SCD5: variants seen among roughly 807,000 people sequenced by gnomAD.
The protein encoded by SCD5 is acyl-CoA-desaturase 4.
In SCD5, 20 loss-of-function variants were observed where a neutral mutation model predicts 30.4. The ratio of observed to expected loss-of-function variants is 0.66; its 90% CI spans 0.46 to 0.96. The LOEUF is 0.96. Ranked by LOEUF, SCD5 falls within the 40% of genes least tolerant of loss-of-function variation. The pLI is 0.00. For missense variants in SCD5, 381 were observed against 443.3 expected (o/e 0.86, Z 1.26); for synonymous variants, 173 against 176.4 (o/e 0.98, Z 0.16).
At chr4:82,762,259 T>TG (rs1185035779) in intron 1 of SCD5, among the ~76,000 whole-genome samples, 217 of 1,432 alleles carry the variant, frequency 0.15, 1 homozygote, top group African/African-American at 0.35. Context: ...CTCAAGGGGC[T>TG]AATTTTTTTT....
intron 1 of SCD5, among the ~76,000 whole-genome samples, chr4:82,788,587 C>T (rs1259093432): frequency 6.6e-6 from 1 of 152,110 alleles, no homozygotes; most frequent in Non-Finnish European, 1.5e-5. Context: ...GAAGGGGTTT[C>T]GTTATGTTGG....
chr4:82,788,686 T>C (rs1976924), intron 1 of SCD5, among the ~76,000 whole-genome samples: 31,850 of 152,132 alleles, frequency 0.21, 3,694 homozygotes, highest in African/African-American at 0.31. Context: ...CCATTGTACC[T>C]GGCCACAAGT....
intron 1 of SCD5, among the ~76,000 whole-genome samples, chr4:82,753,789 C>T (rs993882875): frequency 2.6e-5 from 4 of 152,114 alleles, no homozygotes; most frequent in Admixed American, 6.5e-5. Context: ...GCACATACCC[C>T]CCTGACAGAA....
chr4:82,665,849 T>A (rs563467906), intron 3 of SCD5, among the ~76,000 whole-genome samples: 90 of 152,274 alleles, frequency 5.9e-4, no homozygotes, highest in Non-Finnish European at 1.0e-3. Context: ...CATACTTTTT[T>A]AAAAAGCTAG....
Position 82,711,300 on chromosome 4 carries a change from G to T in SCD5, c.233-5887C>A, listed in dbSNP as rs532568234. Among the ~76,000 whole-genome samples the T allele has an allele frequency of 2.6e-5, 4 of 151,922 alleles. No homozygotes were observed. The East Asian group carries it at 5.8e-4, about 22-fold the overall frequency. ...TCCCCACTGTGACCCCCTACATTTG[G>T]CAATGTTTTGAGACATTATTGGGTG... is the stretch of plus-strand genomic sequence containing the variant. On this transcript the variant is annotated intron_variant, in intron 1 of 4. Coordinates refer to ENST00000319540, the MANE Select transcript of SCD5 (RefSeq NM_001037582.3).
intron 3 of SCD5, among the ~76,000 whole-genome samples, chr4:82,648,006 C>T (rs1313397304): frequency 3.9e-5 from 6 of 152,146 alleles, no homozygotes; most frequent in Admixed American, 3.3e-4. Context: ...TGGCAGGACT[C>T]GAGGCAAAAG....
chr4:82,705,217 T>A (rs1578029889), intron 2 of SCD5, 66 bp downstream of exon 2: 1 of 1,580,464 alleles, frequency 6.3e-7, no homozygotes, highest in Non-Finnish European at 8.6e-7. Flanking sequence ...CAGCCCATCT[T>A]TCCCCTCCTC....
intron 3 of SCD5, among the ~76,000 whole-genome samples, chr4:82,654,196 C>T (rs990977926): frequency 2.6e-5 from 4 of 152,264 alleles, no homozygotes; most frequent in African/African-American, 7.2e-5. Context: ...GAGCATGTTT[C>T]AACAAATCAC....
intron 1 of SCD5, among the ~76,000 whole-genome samples, chr4:82,777,419 G>T (rs550720966): frequency 5.9e-5 from 9 of 152,208 alleles, no homozygotes; most frequent in Non-Finnish European, 1.0e-4. Flanking sequence ...CAGGGCTAAG[G>T]CCTATGGTTT....
chr4:82,753,233 A>T (rs1223129727), intron 1 of SCD5: 1 of 434,348 alleles, frequency 2.3e-6, no homozygotes, highest in Non-Finnish European at 4.8e-6. Context: ...GAGCTTTTAC[A>T]GCCACCCAAG....
intron 1 of SCD5, among the ~76,000 whole-genome samples, chr4:82,737,458 G>C (rs1459737909): frequency 1.3e-5 from 2 of 152,068 alleles, no homozygotes; most frequent in Non-Finnish European, 2.9e-5. Context: ...ACTAAAGAAA[G>C]TTTTGCTCAA....
At chr4:82,727,346 C>G (rs1056348109) in intron 1 of SCD5, among the ~76,000 whole-genome samples, 2 of 152,116 alleles carry the variant, frequency 1.3e-5, no homozygotes, top group Non-Finnish European at 2.9e-5. Context: ...AGGTGTGTAC[C>G]CTGGTCTACC....
chr4:82,728,765 C>T (rs1720562850), intron 1 of SCD5, among the ~76,000 whole-genome samples: 1 of 152,126 alleles, frequency 6.6e-6, no homozygotes, highest in Non-Finnish European at 1.5e-5. Context: ...TCAGGGAGAC[C>T]AATGTGAATG....
chr4:82,765,518 C>A (rs998282151), intron 1 of SCD5, among the ~76,000 whole-genome samples: 1 of 152,180 alleles, frequency 6.6e-6, no homozygotes, highest in East Asian at 1.9e-4. Context: ...TACTTTAAAT[C>A]ATCCCTTGAT....
At chr4:82,777,679 C>T (rs1461994876) in intron 1 of SCD5, among the ~76,000 whole-genome samples, 3 of 152,194 alleles carry the variant, frequency 2.0e-5, no homozygotes, top group African/African-American at 7.2e-5. Flanking sequence ...AATTATGTAG[C>T]TGGTCCTGCT....
At chr4:82,782,074 C>T (rs904429866) in intron 1 of SCD5, among the ~76,000 whole-genome samples, 29 of 151,230 alleles carry the variant, frequency 1.9e-4, no homozygotes, top group African/African-American at 6.8e-4. Flanking sequence ...GAAACACTTA[C>T]AAAGGACCCT....
chr4:82,639,413 GT>G (rs1727495029), intron 3 of SCD5, among the ~76,000 whole-genome samples: 2 of 152,242 alleles, frequency 1.3e-5, no homozygotes, highest in East Asian at 1.9e-4. Flanking sequence ...ATGAGTTTCA[GT>G]GGATCCGATG....
At chr4:82,717,638 T>C (rs922095969) in intron 1 of SCD5, among the ~76,000 whole-genome samples, 1 of 151,810 alleles carries the variant, frequency 6.6e-6, no homozygotes, top group Non-Finnish European at 1.5e-5. Flanking sequence ...TCCTTTGGCC[T>C]GGTGCAGTGG....
At chr4:82,640,468 C>A (rs897514732) in intron 3 of SCD5, among the ~76,000 whole-genome samples, 3 of 152,172 alleles carry the variant, frequency 2.0e-5, no homozygotes, top group Admixed American at 6.5e-5. Context: ...ATTGTCTTCC[C>A]TGTAATCGGC....
Sources: allele counts gnomAD v4.1 joint callset (sites outside exome capture counted in the v4.1 genomes callset), GRCh38; gene constraint gnomAD v4.1.1; transcripts MANE v1.5; gene names NCBI Gene and HGNC (gene_info 2026-07-23, HGNC 2026-07-21).